CHCT1: variants seen among roughly 807,000 people sequenced by gnomAD.
The protein encoded by CHCT1 is CHD1 helical C-terminal domain containing protein 1.
At chr17:60,421,297 C>A in the CHCT1 span, 1 of 877,420 alleles carries the variant, frequency 1.1e-6, no homozygotes, top group African/African-American at 1.8e-5. Flanking sequence ...AACATGCTGG[C>A]ATAGAGGACA....
the CHCT1 span, chr17:60,429,253 G>A: frequency 8.1e-7 from 1 of 1,238,086 alleles, no homozygotes; most frequent in African/African-American, 1.5e-5. Flanking sequence ...TTAGGCAAGT[G>A]TGACCGGCAG....
the CHCT1 span, chr17:60,431,326 A>C: frequency 2.5e-6 from 3 of 1,195,160 alleles, no homozygotes; most frequent in Non-Finnish European, 3.6e-6. Flanking sequence ...GGGAATGGAG[A>C]CCAAAAAGGG....
the CHCT1 span, chr17:60,426,717 G>A: frequency 6.2e-7 from 1 of 1,609,400 alleles, no homozygotes. Flanking sequence ...CCCCTTTGCA[G>A]GATGCTCTGG....
the CHCT1 span, chr17:60,425,908 C>G: frequency 5.2e-6 from 8 of 1,526,202 alleles, no homozygotes; most frequent in African/African-American, 6.9e-5. Flanking sequence ...CAGCCTGGAA[C>G]CCTGTCCCCT....
chr17:60,421,703 C>T, the CHCT1 span: 10 of 787,330 alleles, frequency 1.3e-5, no homozygotes, highest in Non-Finnish European at 1.5e-5. Flanking sequence ...TGAGCACCTC[C>T]CGGCCCTGCC....
chr17:60,421,383 T>C, the CHCT1 span: 1 of 985,504 alleles, frequency 1.0e-6, no homozygotes, highest in Non-Finnish European at 1.2e-6. Context: ...TTGAAGCCGC[T>C]ATGCCCCTCT....
the CHCT1 span, among the ~76,000 whole-genome samples, chr17:60,428,033 G>A: frequency 2.0e-5 from 3 of 152,100 alleles, no homozygotes; most frequent in Non-Finnish European, 4.4e-5. Flanking sequence ...AAATATTACA[G>A]GGACTCCTGG....
chr17:60,427,042 G>A, the CHCT1 span, among the ~76,000 whole-genome samples: 1 of 152,176 alleles, frequency 6.6e-6, no homozygotes, highest in Non-Finnish European at 1.5e-5. Flanking sequence ...TGATGCACGG[G>A]CAAGCCCGGG....
At chr17:60,426,653 G>A in the CHCT1 span, 2 of 1,556,852 alleles carry the variant, frequency 1.3e-6, no homozygotes, top group Non-Finnish European at 1.7e-6. Flanking sequence ...CTGACCCTGA[G>A]ACAAATGCTG....
the CHCT1 span, chr17:60,429,591 A>T: frequency 2.5e-6 from 4 of 1,594,368 alleles, no homozygotes; most frequent in Non-Finnish European, 3.4e-6. Flanking sequence ...TGATGCCTGG[A>T]CCCAGGAGTT....
the CHCT1 span, among the ~76,000 whole-genome samples, chr17:60,425,423 A>G: frequency 1.7e-3 from 258 of 152,254 alleles, no homozygotes; most frequent in African/African-American, 6.0e-3. Context: ...TGCTGTCTCT[A>G]TATATTGGAC....
the CHCT1 span, among the ~76,000 whole-genome samples, chr17:60,428,991 C>T: frequency 2.6e-5 from 4 of 151,882 alleles, no homozygotes; most frequent in South Asian, 8.3e-4. Context: ...CAACCTCCGC[C>T]TTCAGGGTTC....
the CHCT1 span, among the ~76,000 whole-genome samples, chr17:60,424,515 C>T: frequency 2.0e-5 from 3 of 152,208 alleles, no homozygotes; most frequent in African/African-American, 7.2e-5. Flanking sequence ...GAGCTTGCAG[C>T]TCATTCAGCA....
At chr17:60,425,105 C>T in the CHCT1 span, among the ~76,000 whole-genome samples, 1 of 152,094 alleles carries the variant, frequency 6.6e-6, no homozygotes, top group Non-Finnish European at 1.5e-5. Context: ...ATCAATGGCC[C>T]CAGTTTTTTC....
chr17:60,431,207 C>A, the CHCT1 span: 12 of 1,604,536 alleles, frequency 7.5e-6, no homozygotes, highest in East Asian at 1.6e-4. Context: ...TTCTCAAAAA[C>A]CAAAACTCAA....
At chr17:60,426,764 C>A in the CHCT1 span, 51 of 1,610,856 alleles carry the variant, frequency 3.2e-5, no homozygotes, top group Non-Finnish European at 2.5e-6. Context: ...GGAAGCAAAG[C>A]AGCTTCGCCG....
chr17:60,429,438 A>G, the CHCT1 span: 8 of 1,614,134 alleles, frequency 5.0e-6, no homozygotes, highest in South Asian at 1.1e-5. Flanking sequence ...AAGCTCTGCC[A>G]TGCATGGGGG....
At chr17:60,429,481 G>T in the CHCT1 span, 13 of 1,614,256 alleles carry the variant, frequency 8.1e-6, no homozygotes, top group East Asian at 2.7e-4. Context: ...TGAAGGAGCG[G>T]CTGTCCAACA....
chr17:60,422,521 A>C, the CHCT1 span: 3 of 1,543,430 alleles, frequency 1.9e-6, no homozygotes, highest in East Asian at 4.9e-5. Context: ...GCTAGGTCAC[A>C]GAAGCAGTGG....
Sources: allele counts gnomAD v4.1 joint callset (sites outside exome capture counted in the v4.1 genomes callset), GRCh38; gene constraint gnomAD v4.1.1; transcripts MANE v1.5; gene names NCBI Gene and HGNC (gene_info 2026-07-23, HGNC 2026-07-21).